PRKN: variants seen among roughly 807,000 people sequenced by gnomAD.
The protein encoded by PRKN is E3 ubiquitin-protein ligase parkin.
In PRKN, 56 loss-of-function variants were observed where a neutral mutation model predicts 59.5. That is an observed-to-expected ratio of 0.94 (90% CI 0.76 to 1.18). PRKN has a LOEUF of 1.18. PRKN is among the 50% of genes most tolerant of loss of function. The pLI, the probability that PRKN is intolerant of heterozygous loss-of-function variation, is 0.00. For missense variants in PRKN, 657 were observed against 596.4 expected, an observed-to-expected ratio of 1.10 and a Z score of -1.06; for synonymous variants, 250 against 222.1, an observed-to-expected ratio of 1.13 and a Z score of -1.12.
chr6:162,608,885 G>A (rs568355398), intron 1 of PRKN, among the ~76,000 whole-genome samples: 3 of 152,156 alleles, frequency 2.0e-5, no homozygotes, highest in Middle Eastern at 3.4e-3. Flanking sequence ...TATCTACTGG[G>A]GCATGGGACA....
intron 6 of PRKN, among the ~76,000 whole-genome samples, chr6:161,847,443 G>C (rs1011843817): frequency 6.6e-6 from 1 of 152,244 alleles, no homozygotes; most frequent in African/African-American, 2.4e-5. Context: ...CAAGGGCAGA[G>C]AAGGTTGCAG....
chr6:162,611,957 G>A (rs559897750), intron 1 of PRKN, among the ~76,000 whole-genome samples: 8 of 151,880 alleles, frequency 5.3e-5, no homozygotes, highest in South Asian at 4.2e-4. Flanking sequence ...AGGCCAAGGC[G>A]GGCGTATCAT....
chr6:161,867,110 A>G (rs893187658), intron 6 of PRKN, among the ~76,000 whole-genome samples: 1 of 152,112 alleles, frequency 6.6e-6, no homozygotes, highest in Admixed American at 6.5e-5. Flanking sequence ...TTTTTTCATC[A>G]GTCTTTATTT....
chr6:161,613,714 A>G (rs1465567205), intron 7 of PRKN, among the ~76,000 whole-genome samples: 2 of 152,192 alleles, frequency 1.3e-5, no homozygotes, highest in Non-Finnish European at 2.9e-5. Flanking sequence ...CAGCAAAAAG[A>G]TAAGGATTTG....
chr6:162,351,209 A>G (rs1784610723), intron 2 of PRKN, among the ~76,000 whole-genome samples: 1 of 152,114 alleles, frequency 6.6e-6, no homozygotes, highest in Admixed American at 6.6e-5. Context: ...AAAATAAAAA[A>G]TAAAACAACC....
chr6:161,704,080 T>G (rs1274847985), intron 7 of PRKN, among the ~76,000 whole-genome samples: 1 of 152,090 alleles, frequency 6.6e-6, no homozygotes, highest in Non-Finnish European at 1.5e-5. Context: ...GGTCTTGAGC[T>G]CCTGGCCTCA....
In PRKN at chr6:161,463,356, T is replaced by C. The variant is rs542618551; in HGVS notation, c.1084-76479A>G. On this transcript the variant is annotated intron_variant, in intron 9 of 11. Transcript: ENST00000366898. This position sits in a 1 kb window ranked among gnomAD's most constrained non-coding sequence, Gnocchi z 4.8. ...CTACCTGGCTTATCCTTACTGATCC[T>C]GCCTAACTGGCTCTTGAATCATGTT... 1.3e-5 allele frequency among the ~76,000 whole-genome samples: 2 copies of C among 152,338 alleles called. No homozygotes were observed. The highest frequency in any genetic ancestry group is 4.1e-4 in the South Asian group (2 of 4,826).
intron 7 of PRKN, among the ~76,000 whole-genome samples, chr6:161,688,248 C>A (rs750488333): frequency 2.6e-5 from 4 of 152,264 alleles, no homozygotes; most frequent in Admixed American, 6.5e-5. Context: ...ATTTTCACCC[C>A]CAGTGCCAGG....
At chr6:162,141,975 T>C (rs576439234) in intron 4 of PRKN, among the ~76,000 whole-genome samples, 5 of 152,304 alleles carry the variant, frequency 3.3e-5, no homozygotes, top group African/African-American at 9.6e-5. Context: ...CAATGCACCA[T>C]TGTAAGCTGT....
chr6:161,757,886 TACACACACACACAC>T (rs373332894), intron 7 of PRKN, among the ~76,000 whole-genome samples: 15 of 116,246 alleles, frequency 1.3e-4, no homozygotes, highest in African/African-American at 4.7e-4. Flanking sequence ...TATATATATA[TACACACACACACAC>T]ACACACACAC....
chr6:162,524,094 T>C (rs1476904683), intron 1 of PRKN, among the ~76,000 whole-genome samples: 1 of 152,160 alleles, frequency 6.6e-6, no homozygotes, highest in Non-Finnish European at 1.5e-5. Flanking sequence ...TATGGTTCTT[T>C]TGAGGATTAA....
intron 4 of PRKN, among the ~76,000 whole-genome samples, chr6:162,101,545 G>A (rs897810108): frequency 2.6e-5 from 4 of 151,790 alleles, no homozygotes; most frequent in Admixed American, 1.3e-4. Context: ...GGTGGCGGGC[G>A]CCTGCAGTCC....
At chr6:162,081,680 T>C (rs1779068102) in intron 4 of PRKN, among the ~76,000 whole-genome samples, 3 of 152,238 alleles carry the variant, frequency 2.0e-5, no homozygotes, top group Admixed American at 2.0e-4. Flanking sequence ...AAATGAGTAT[T>C]GTCTTCAACT....
At chr6:162,537,479 C>T (rs1200091067) in intron 1 of PRKN, among the ~76,000 whole-genome samples, 2 of 152,072 alleles carry the variant, frequency 1.3e-5, no homozygotes, top group East Asian at 1.9e-4. Context: ...AACTGTCTTC[C>T]CACTTTAGGC....
chr6:162,526,514 G>C (rs965264952), intron 1 of PRKN, among the ~76,000 whole-genome samples: 6 of 151,944 alleles, frequency 3.9e-5, no homozygotes, highest in Middle Eastern at 3.4e-3. Context: ...GCCGGGCCTG[G>C]TGGCGCATGC....
chr6:161,847,909 T>C (rs1793266507), intron 6 of PRKN, among the ~76,000 whole-genome samples: 1 of 152,126 alleles, frequency 6.6e-6, no homozygotes, highest in Non-Finnish European at 1.5e-5. Context: ...ACCTGTGCAT[T>C]TGGTTAGAAG....
intron 1 of PRKN, chr6:162,568,289 G>C (rs142655971): frequency 5.9e-4 from 144 of 242,242 alleles, no homozygotes; most frequent in African/African-American, 3.1e-3. Context: ...AAGTCAAAAA[G>C]CTTCTGCACA....
At chr6:161,825,618 C>T (rs369013292) in intron 6 of PRKN, among the ~76,000 whole-genome samples, 11 of 152,282 alleles carry the variant, frequency 7.2e-5, no homozygotes, top group African/African-American at 2.4e-4. Flanking sequence ...CGCTCTACTC[C>T]CAAGCTTGAA....
rs763588687 is a variant in PRKN, at chr6:161,347,613, G to GTTTTTTTTTTTTTTT, written c.*2485_*2486insAAAAAAAAAAAAAAA. 7.5e-5 allele frequency: 9 copies of GTTTTTTTTTTTTTTT among 119,272 alleles called. 1 individual carries two copies. The highest frequency in any genetic ancestry group is 8.6e-5 in the Non-Finnish European group (5 of 58,080). The allele number at this position is 119,272 out of a possible 1,614,324, so 7.4% of individuals were successfully genotyped here. ...GTGTAGTGGATGATCTTGCTTTTTTGTTTTTGTTTTTTTTTTTTTTTTGAG... is the reference window on the plus strand; with the variant it reads ...GTGTAGTGGATGATCTTGCTTTTTTGTTTTTTTTTTTTTTTTTTTTGTTTTTTTTTTTTTTTTGAG... On this transcript the variant is annotated 3_prime_UTR_variant, in exon 12 of 12. Transcript: ENST00000366898.
Sources: allele counts gnomAD v4.1 joint callset (sites outside exome capture counted in the v4.1 genomes callset), GRCh38; gene constraint gnomAD v4.1.1; non-coding constraint Gnocchi (gnomAD v3.1); transcripts MANE v1.5; gene names NCBI Gene and HGNC (gene_info 2026-07-23, HGNC 2026-07-21).